Variants in PLCZ1 observed in about 807,000 individuals in gnomAD.
PLCZ1 encodes phospholipase C zeta 1.
In PLCZ1, 64 loss-of-function variants were observed where a neutral mutation model predicts 76.8. The observed-to-expected ratio is 0.83, with a 90% confidence interval of 0.68 to 1.03. The LOEUF is 1.03. Among genes scored for constraint, PLCZ1 ranks in the 50% least tolerant of loss-of-function variants. The pLI is 0.00. For missense variants in PLCZ1, 751 were observed against 713.7 expected (o/e 1.05, Z -0.60); for synonymous variants, 248 against 230.8 (o/e 1.07, Z -0.68).
At chr12:18,665,132 A>G in the PLCZ1 span, among the ~76,000 whole-genome samples, 1 of 151,816 alleles carries the variant, frequency 6.6e-6, no homozygotes, top group Non-Finnish European at 1.5e-5. Context: ...CATTGTGCAC[A>G]TGTACCCTAA....
intron 3 of PLCZ1, among the ~76,000 whole-genome samples, chr12:18,731,508 G>C (rs1959045335): frequency 7.2e-6 from 1 of 138,228 alleles, no homozygotes; most frequent in Non-Finnish European, 1.6e-5. Context: ...TCTGACAACT[G>C]TCATTTCTGT....
chr12:18,733,182 T>C (rs1959148365), intron 3 of PLCZ1, among the ~76,000 whole-genome samples: 2 of 152,324 alleles, frequency 1.3e-5, no homozygotes, highest in Middle Eastern at 6.8e-3. Context: ...TGTGATTTGA[T>C]TTGCATTTCC....
chr12:18,701,490 C>T lies in PLCZ1; in HGVS notation c.1017+11G>A, dbSNP rs543790593. ...AATCACTTGTAAGATTTTCACAAAA[C>T]ACCACCTCACCTTCTTTTTCTTGAA... On this transcript the variant is annotated intron_variant, in intron 9 of 14. Transcript: ENST00000266505. 6.2e-6 allele frequency: 10 copies of T among 1,613,986 alleles called. No individual in the cohort carries two copies. The South Asian group carries it at 9.9e-5, about 16-fold the overall frequency.
At position 18,716,065 on chromosome 12, in the gene PLCZ1, T is replaced by C. The variant is rs76501433; in HGVS notation, c.570-3079A>G. Among the ~76,000 whole-genome samples the C allele has an allele frequency of 8.1e-3, 1,231 of 152,290 alleles. 22 individuals are homozygous for C. Among genetic ancestry groups the C allele is most frequent in the African/African-American group, 0.029 (1,192 of 41,552 alleles). The stretch of plus-strand genomic sequence containing the variant: ...TTGGCTTACGGATTTATTTATGTAT[T>C]TAGATTTTAAGTTGGAGAAGAAACA... On this transcript the variant is annotated intron_variant, in intron 5 of 14. Transcript: ENST00000266505.
chr12:18,662,571 G>C, the PLCZ1 span, among the ~76,000 whole-genome samples: 1 of 152,034 alleles, frequency 6.6e-6, no homozygotes, highest in Non-Finnish European at 1.5e-5. Context: ...ATAAAAATTT[G>C]TATTATTGTA....
the PLCZ1 span, among the ~76,000 whole-genome samples, chr12:18,652,754 T>C: frequency 6.6e-6 from 1 of 152,164 alleles, no homozygotes; most frequent in East Asian, 1.9e-4. Flanking sequence ...TTTACATGTA[T>C]ATTTTATTTG....
chr12:18,682,237 A>G (rs1952489739), downstream of PLCZ1, among the ~76,000 whole-genome samples: 1 of 152,090 alleles, frequency 6.6e-6, no homozygotes, highest in Admixed American at 6.6e-5. Flanking sequence ...AGAGTAAACC[A>G]TGATAATAGT....
chr12:18,706,070 T>C (rs1956572171), intron 6 of PLCZ1, among the ~76,000 whole-genome samples: 1 of 151,510 alleles, frequency 6.6e-6, no homozygotes, highest in African/African-American at 2.4e-5. Context: ...CTACTAAAAA[T>C]GCAAAAAAGA....
chr12:18,724,125 T>G (rs1958612006), intron 3 of PLCZ1, among the ~76,000 whole-genome samples: 1 of 152,102 alleles, frequency 6.6e-6, no homozygotes, highest in Non-Finnish European at 1.5e-5. Context: ...ATTGGGAGTT[T>G]CTGAATAGGA....
chr12:18,675,613 C>A, the PLCZ1 span, among the ~76,000 whole-genome samples: 1 of 152,032 alleles, frequency 6.6e-6, no homozygotes, highest in Non-Finnish European at 1.5e-5. Flanking sequence ...AGTCATAGAA[C>A]CAAGTAAGTG....
the PLCZ1 span, among the ~76,000 whole-genome samples, chr12:18,664,332 T>C: frequency 3.8e-3 from 577 of 152,316 alleles, 9 homozygotes; most frequent in African/African-American, 0.013. Flanking sequence ...TCCATGTTTA[T>C]AGCAGCATTG....
chr12:18,692,444 A>T (rs1759627071), intron 12 of PLCZ1, among the ~76,000 whole-genome samples: 2 of 152,208 alleles, frequency 1.3e-5, no homozygotes, highest in African/African-American at 4.8e-5. Context: ...TAGAGGAAAA[A>T]GAAAAACGTT....
chr12:18,704,240 T>C (rs902532502), intron 7 of PLCZ1, among the ~76,000 whole-genome samples: 1 of 152,166 alleles, frequency 6.6e-6, no homozygotes, highest in African/African-American at 2.4e-5. Context: ...GGAACTTTCC[T>C]GTGAAGCAAT....
At chr12:18,701,277 G>A (rs1338908008) in intron 9 of PLCZ1, among the ~76,000 whole-genome samples, 1 of 152,030 alleles carries the variant, frequency 6.6e-6, no homozygotes, top group African/African-American at 2.4e-5. Flanking sequence ...GAGCCACCGT[G>A]CTCAGCCTAG....
intron 12 of PLCZ1, 38 bp downstream of exon 12, chr12:18,694,872 A>C: frequency 6.8e-7 from 1 of 1,477,808 alleles, no homozygotes; most frequent in Non-Finnish European, 9.3e-7. Context: ...AGTTTATATA[A>C]TAACCAAAAA....
intron 3 of PLCZ1, among the ~76,000 whole-genome samples, chr12:18,724,951 G>C (rs1413924123): frequency 6.6e-6 from 1 of 152,010 alleles, no homozygotes; most frequent in Non-Finnish European, 1.5e-5. Context: ...GTATAAGCTT[G>C]GTCATCCGAA....
In PLCZ1 at chr12:18,701,774, T is replaced by C; in HGVS notation, c.867A>G (p.Ala289=). The change falls in exon 8 of 15, where the codon GCA becomes GCG. Residue 289 remains alanine (A), a splice_region_variant and synonymous_variant. Coordinates refer to ENST00000266505, the MANE Select transcript of PLCZ1 (RefSeq NM_033123.4). ...TTTTAACTAATATTTTGAATTTTAG[T>C]GCCTAAGGAAACAATTTGAGAGATA... is the stretch of plus-strand genomic sequence containing the variant. ...DFPDTLPSPE[A]LKFKILVKNK... 6.3e-7 allele frequency: 1 copy of C among 1,598,754 alleles called. No homozygotes were observed. Among genetic ancestry groups the C allele is most frequent in the Non-Finnish European group, 8.5e-7 (1 of 1,172,396 alleles).
chr12:18,737,001 A>G (rs995091622), intron 2 of PLCZ1, among the ~76,000 whole-genome samples: 2 of 152,206 alleles, frequency 1.3e-5, no homozygotes, highest in Non-Finnish European at 2.9e-5. Context: ...TACAAAAACT[A>G]GGACACTTCC....
In PLCZ1 at chr12:18,690,672, G is replaced by A. The variant is rs545166063; in HGVS notation, c.1462-2454C>T. Among the ~76,000 whole-genome samples the A allele has an allele frequency of 1.2e-4, 18 of 152,170 alleles. 1 individual carries two copies. The highest frequency in any genetic ancestry group is 2.2e-4 in the Non-Finnish European group (15 of 68,030). On this transcript the variant is annotated intron_variant, in intron 12 of 14. Transcript: ENST00000266505. ...CAGCAAAGCTATGAAAAGAAGCACA[G>A]CTAACCTAGCCTAGGAAAATGCTTT... is the stretch of plus-strand genomic sequence containing the variant.
Sources: allele counts gnomAD v4.1 joint callset (sites outside exome capture counted in the v4.1 genomes callset), GRCh38; gene constraint gnomAD v4.1.1; transcripts MANE v1.5; gene names NCBI Gene and HGNC (gene_info 2026-07-23, HGNC 2026-07-21).